Variants in SLC22A23 observed in about 807,000 individuals in gnomAD.
SLC22A23 encodes solute carrier family 22 member 23.
SLC22A23 carries 26 observed loss-of-function variants against 61.0 expected under a neutral mutation model. The observed-to-expected ratio is 0.43, with a 90% CI of 0.31 to 0.59. The LOEUF (loss-of-function observed/expected upper bound fraction) is 0.59, where lower values mean the gene tolerates loss of function less well. Ranked by LOEUF, SLC22A23 falls within the 20% of genes least tolerant of loss-of-function variation. The pLI, the probability that SLC22A23 is intolerant of heterozygous loss-of-function variation, is 0.11. For synonymous variants in SLC22A23, 430 were observed against 413.9 expected (o/e 1.04, Z -0.47); for missense variants, 796 against 934.7 (o/e 0.85, Z 1.94).
chr6:3,329,034 G>A lies in SLC22A23; in HGVS notation c.914-5032C>T, dbSNP rs72841818. Among the ~76,000 whole-genome samples the A allele has an allele frequency of 0.019, 2,849 of 152,254 alleles. 47 individuals carry two copies. The highest frequency in any genetic ancestry group is 0.034 in the Middle Eastern group (10 of 294). ...GTCAAAACACTGCAGCACCCAGGGA[G>A]GAGCCCCAGGGAGCACGCAAAGGTC... On this transcript the variant is annotated intron_variant, in intron 3 of 9. Transcript: ENST00000406686. This position sits in a 1 kb window ranked among gnomAD's most constrained non-coding sequence, Gnocchi z 4.8.
chr6:3,296,416 G>A (rs1581637249), intron 5 of SLC22A23, among the ~76,000 whole-genome samples: 1 of 152,204 alleles, frequency 6.6e-6, no homozygotes, highest in African/African-American at 2.4e-5. Flanking sequence ...CTGTGCTCCC[G>A]TTTCCTCATC....
chr6:3,399,587 T>G (rs1244817374), intron 3 of SLC22A23, among the ~76,000 whole-genome samples: 1 of 152,208 alleles, frequency 6.6e-6, no homozygotes, highest in East Asian at 1.9e-4. Context: ...AGCAACGTCC[T>G]GAGTTAATAT....
intron 1 of SLC22A23, among the ~76,000 whole-genome samples, chr6:3,419,315 G>A (rs1561968722): frequency 6.6e-6 from 1 of 152,122 alleles, no homozygotes; most frequent in Non-Finnish European, 1.5e-5. Flanking sequence ...TTATAGGGAT[G>A]GGGCAGGCGC....
At chr6:3,284,868 A>G in intron 8 of SLC22A23, 2 of 1,525,858 alleles carry the variant, frequency 1.3e-6, no homozygotes, top group Admixed American at 3.9e-5. Context: ...GCACACAAAC[A>G]GGGAAGCACC....
intron 1 of SLC22A23, among the ~76,000 whole-genome samples, chr6:3,445,822 G>A (rs1297090728): frequency 1.3e-5 from 2 of 152,114 alleles, no homozygotes; most frequent in African/African-American, 4.8e-5. Context: ...CAACAAGGAG[G>A]GGTGGCAGGG....
Position 3,448,517 on chromosome 6 carries a change from G to A in SLC22A23, c.654+7389C>T, listed in dbSNP as rs112931362. Among the ~76,000 whole-genome samples the A allele has an allele frequency of 6.3e-3, 962 of 152,062 alleles. 13 individuals carry two copies. The highest frequency in any genetic ancestry group is 0.022 in the African/African-American group (913 of 41,438). On this transcript the variant is annotated intron_variant, in intron 1 of 9. Coordinates refer to ENST00000406686, the MANE Select transcript of SLC22A23 (RefSeq NM_015482.2). ...TTTTTGTTTTTTGTTTTTTGAGACGGAGCCTGGCTCTGTCCCCCAGACAGT... is the reference window on the plus strand; with the variant it reads ...TTTTTGTTTTTTGTTTTTTGAGACGAAGCCTGGCTCTGTCCCCCAGACAGT...
At chr6:3,294,289 T>TAC (rs35527605) in intron 5 of SLC22A23, among the ~76,000 whole-genome samples, 12,288 of 152,250 alleles carry the variant, frequency 0.081, 1,109 homozygotes, top group African/African-American at 0.22. Flanking sequence ...TTCGACATTC[T>TAC]ACATTGAGTT....
At chr6:3,334,151 T>C (rs1763722922) in intron 3 of SLC22A23, among the ~76,000 whole-genome samples, 1 of 152,180 alleles carries the variant, frequency 6.6e-6, no homozygotes, top group Admixed American at 6.5e-5. Flanking sequence ...GGTAACTGGA[T>C]GTTGGCTGTT....
At chr6:3,453,634 G>A (rs753830200) in intron 1 of SLC22A23, among the ~76,000 whole-genome samples, 1 of 152,126 alleles carries the variant, frequency 6.6e-6, no homozygotes, top group African/African-American at 2.4e-5. Flanking sequence ...GGGACAGAAT[G>A]GTGCATATAT....
At chr6:3,346,401 G>A (rs1030091753) in intron 3 of SLC22A23, among the ~76,000 whole-genome samples, 1 of 152,098 alleles carries the variant, frequency 6.6e-6, no homozygotes, top group African/African-American at 2.4e-5. Context: ...GATGAGAACT[G>A]GGGGCAGCAA....
chr6:3,316,538 C>G (rs1420428612), intron 4 of SLC22A23, among the ~76,000 whole-genome samples: 1 of 152,236 alleles, frequency 6.6e-6, no homozygotes, highest in Non-Finnish European at 1.5e-5. Context: ...ACACCTCCAC[C>G]CCTAGAAAAC....
Position 3,298,142 on chromosome 6 carries a change from T to A in SLC22A23, c.1159A>T (p.Thr387Ser). 1 of 1,589,738 alleles carries A rather than the reference T, an allele frequency of 6.3e-7. No homozygotes were observed. Residue 387 changes from threonine (T) to serine (S), a missense_variant, in exon 5 of 10, where the codon ACA becomes TCA. By Grantham distance (58) the Thr-to-Ser change is moderately conservative. Coordinates refer to ENST00000406686, the MANE Select transcript of SLC22A23 (RefSeq NM_015482.2). Reference protein sequence around the residue: ...ESAKRLILHFTQKNRMNPEGD... With the variant: ...ESAKRLILHFSQKNRMNPEGD... ...TCAGGGTTCATGCGATTCTTCTGTG[T>A]GAAGTGGAGGATCAGCCTCTTTGCA... is the stretch of plus-strand genomic sequence containing the variant.
intron 5 of SLC22A23, chr6:3,291,346 A>C (rs933677820): frequency 6.6e-6 from 1 of 152,230 alleles, no homozygotes; most frequent in Non-Finnish European, 1.5e-5. Flanking sequence ...GTTTGAAGAA[A>C]AAATGTGTTG....
chr6:3,309,543 G>A lies in SLC22A23; in HGVS notation c.1083-11325C>T, dbSNP rs1762225334. On this transcript the variant is annotated intron_variant, in intron 4 of 9. Coordinates refer to ENST00000406686, the MANE Select transcript of SLC22A23 (RefSeq NM_015482.2). This position sits in a 1 kb window ranked among gnomAD's most constrained non-coding sequence, Gnocchi z 4.7. ...AAGGACTGTGGGCTGACAAGCAGGT[G>A]GCACCTGACCATAATAAGGACTGTG... is the stretch of plus-strand genomic sequence containing the variant. Among the ~76,000 whole-genome samples, 1 of 151,796 alleles carries A rather than the reference G, an allele frequency of 6.6e-6. No homozygotes were observed. The highest frequency in any genetic ancestry group is 1.5e-5 in the Non-Finnish European group (1 of 67,962).
chr6:3,340,516 T>C (rs1438378821), intron 3 of SLC22A23, among the ~76,000 whole-genome samples: 1 of 152,168 alleles, frequency 6.6e-6, no homozygotes, highest in Non-Finnish European at 1.5e-5. Flanking sequence ...TGATAATTCT[T>C]GCAAAAGTTG....
intron 3 of SLC22A23, among the ~76,000 whole-genome samples, chr6:3,406,545 T>TGC (rs1768846919): frequency 2.1e-5 from 1 of 46,722 alleles, no homozygotes; most frequent in Admixed American, 1.5e-4. Context: ...TGTGTGTGTG[T>TGC]GTGCGCGCAT....
chr6:3,313,131 T>C (rs1331522869), intron 4 of SLC22A23: 1 of 152,150 alleles, frequency 6.6e-6, no homozygotes, highest in Non-Finnish European at 1.5e-5. Context: ...TCCTATTGTC[T>C]TACACAATCT....
intron 8 of SLC22A23, among the ~76,000 whole-genome samples, chr6:3,284,392 C>G (rs1043674196): frequency 6.6e-6 from 1 of 152,198 alleles, no homozygotes; most frequent in Admixed American, 6.5e-5. Flanking sequence ...AACAAAAACT[C>G]AAGCCACAGA....
chr6:3,380,384 C>T (rs1021412751), intron 3 of SLC22A23, among the ~76,000 whole-genome samples: 5 of 152,138 alleles, frequency 3.3e-5, no homozygotes, highest in African/African-American at 1.2e-4. Context: ...GAAGAATATT[C>T]CAGGGAATAA....
Sources: gnomAD v4.1 joint callset for allele counts (sites outside exome capture counted in the v4.1 genomes callset) on GRCh38, gnomAD v4.1.1 for gene constraint, Gnocchi (gnomAD v3.1) non-coding constraint, MANE v1.5 for transcripts, NCBI Gene and HGNC (gene_info 2026-07-23, HGNC 2026-07-21) for gene names.